Variants in FGF12 observed in about 807,000 individuals in gnomAD.
FGF12 encodes fibroblast growth factor 12.
Under a neutral mutation model 23.6 loss-of-function variants are expected in FGF12, and 14 were observed. The observed-to-expected ratio is 0.59, with a 90% CI of 0.39 to 0.93. FGF12 has a LOEUF of 0.93. FGF12 is among the 40% of genes least tolerant of loss of function. The pLI is 0.00. For missense variants in FGF12, 175 were observed against 217.8 expected (o/e 0.80, Z 1.24); for synonymous variants, 62 against 77.3 (o/e 0.80, Z 1.04).
intron 2 of FGF12, among the ~76,000 whole-genome samples, chr3:192,543,278 G>A (rs1219925025): frequency 6.6e-6 from 1 of 152,000 alleles, no homozygotes; most frequent in African/African-American, 2.4e-5. Context: ...TTCTGCCTGT[G>A]GCCACCCTTG....
chr3:192,463,896 C>T lies in FGF12; in HGVS notation c.14-103358G>A, dbSNP rs7634864. 6.3e-3 allele frequency among the ~76,000 whole-genome samples: 964 copies of T among 152,156 alleles called. 5 individuals are homozygous for T. The highest frequency in any genetic ancestry group is 0.02 in the Middle Eastern group (6 of 294). ...CAAAACAACATGCTTTATTATCGTCCATACTATGACTCCTGCCAGTGTTCC... is the reference window on the plus strand; with the variant it reads ...CAAAACAACATGCTTTATTATCGTCTATACTATGACTCCTGCCAGTGTTCC... On this transcript the variant is annotated intron_variant, in intron 2 of 5. Transcript: ENST00000445105.
intron 2 of FGF12, among the ~76,000 whole-genome samples, chr3:192,377,391 C>G (rs1307691329): frequency 6.6e-6 from 1 of 152,182 alleles, no homozygotes; most frequent in Non-Finnish European, 1.5e-5. Flanking sequence ...TCTTTTCTGG[C>G]ACATAGAGAT....
intron 2 of FGF12, among the ~76,000 whole-genome samples, chr3:192,666,963 A>G (rs1300099684): frequency 6.6e-6 from 1 of 152,180 alleles, no homozygotes; most frequent in Non-Finnish European, 1.5e-5. Context: ...AGATAGACAT[A>G]AAGAACATCA....
At chr3:192,242,732 C>A (rs2108596646) in intron 4 of FGF12, among the ~76,000 whole-genome samples, 1 of 152,038 alleles carries the variant, frequency 6.6e-6, no homozygotes, top group Admixed American at 6.5e-5. Flanking sequence ...AAAACCAGTC[C>A]TTACTACAAT....
At chr3:192,704,950 T>A (rs899592956) in intron 2 of FGF12, among the ~76,000 whole-genome samples, 5 of 152,242 alleles carry the variant, frequency 3.3e-5, no homozygotes, top group African/African-American at 1.2e-4. Flanking sequence ...AGCTTCCTCA[T>A]CTCTCTCAGC....
At chr3:192,215,115 T>C (rs903084745) in intron 4 of FGF12, among the ~76,000 whole-genome samples, 1 of 152,046 alleles carries the variant, frequency 6.6e-6, no homozygotes, top group Non-Finnish European at 1.5e-5. Context: ...TCTACAGGAG[T>C]GAATGGCTGT....
intron 4 of FGF12, among the ~76,000 whole-genome samples, chr3:192,273,125 A>G (rs1713552946): frequency 6.6e-6 from 1 of 152,088 alleles, no homozygotes; most frequent in Admixed American, 6.6e-5. Flanking sequence ...GAGGGGATTT[A>G]CTCCTTTCAT....
chr3:192,422,917 A>G (rs1721576763), intron 2 of FGF12, among the ~76,000 whole-genome samples: 1 of 152,136 alleles, frequency 6.6e-6, no homozygotes, highest in Non-Finnish European at 1.5e-5. Context: ...TTCTATATGC[A>G]AAGAAAACAT....
chr3:192,383,511 T>C (rs1719914158), intron 2 of FGF12, among the ~76,000 whole-genome samples: 1 of 145,334 alleles, frequency 6.9e-6, no homozygotes, highest in East Asian at 2.0e-4. Context: ...GTTCCAAGGA[T>C]TCTGATTTAA....
In FGF12 at chr3:192,691,449, G is replaced by GA. The variant is rs1401399925; in HGVS notation, c.13+35731dup. ...ACTTCTAAACAACCGATGAGTCAAA[G>GA]AAAAAAATCAAAAGTGAAATTTTAA... On this transcript the variant is annotated intron_variant, in intron 2 of 5. Transcript: ENST00000445105. Among the ~76,000 whole-genome samples the GA allele has an allele frequency of 3.3e-5, 5 of 151,768 alleles. No homozygotes were observed. In the South Asian group the frequency reaches 1.0e-3, roughly 32 times the overall value.
chr3:192,329,845 A>G (rs1187839116), intron 4 of FGF12, among the ~76,000 whole-genome samples: 1 of 152,224 alleles, frequency 6.6e-6, no homozygotes, highest in African/African-American at 2.4e-5. Context: ...GTTTCAACAG[A>G]TTGTAACACA....
At chr3:192,623,031 G>A (rs1371671684) in intron 2 of FGF12, among the ~76,000 whole-genome samples, 1 of 152,094 alleles carries the variant, frequency 6.6e-6, no homozygotes, top group Non-Finnish European at 1.5e-5. Flanking sequence ...TTTACGTTGG[G>A]ATAATCAAAG....
intron 5 of FGF12, among the ~76,000 whole-genome samples, chr3:192,168,904 C>T (rs1470363747): frequency 6.6e-6 from 1 of 152,050 alleles, no homozygotes; most frequent in Non-Finnish European, 1.5e-5. Context: ...TTTAGTTCTA[C>T]TTGAAGAAAG....
intron 5 of FGF12, among the ~76,000 whole-genome samples, chr3:192,167,886 T>C (rs142255806): frequency 0.067 from 9,997 of 148,504 alleles, 412 homozygotes; most frequent in African/African-American, 0.1. Context: ...CCTGCCTCAG[T>C]CTCCTGAGTA....
chr3:192,400,451 T>A (rs2108770037), intron 2 of FGF12, among the ~76,000 whole-genome samples: 1 of 148,320 alleles, frequency 6.7e-6, no homozygotes, highest in Non-Finnish European at 1.5e-5. Flanking sequence ...TCATTGCAAC[T>A]TCCGCCTCCC....
At chr3:192,411,848 T>A (rs773562144) in intron 2 of FGF12, among the ~76,000 whole-genome samples, 3 of 152,234 alleles carry the variant, frequency 2.0e-5, no homozygotes, top group Non-Finnish European at 4.4e-5. Flanking sequence ...GTCTCTTTTA[T>A]ATTCTCAAAA....
chr3:192,408,176 C>T lies in FGF12; in HGVS notation c.14-47638G>A, dbSNP rs1721044246. On this transcript the variant is annotated intron_variant, in intron 2 of 5. Coordinates refer to ENST00000445105, the MANE Select transcript of FGF12 (RefSeq NM_004113.6). The surrounding 1 kb of genome is among the most constrained non-coding windows in gnomAD (Gnocchi z 7.3). The stretch of plus-strand genomic sequence containing the variant: ...ACACTCGGTCGCTGTTGGACTCCCT[C>T]GCCTGCCGCTTCTGCCGGATCAAGG... 2.5e-6 allele frequency: 4 copies of T among 1,608,980 alleles called. No individual in the cohort carries two copies. The highest frequency in any genetic ancestry group is 3.4e-6 in the Non-Finnish European group (4 of 1,179,664).
chr3:192,557,170 C>CCA (rs1711819216), intron 2 of FGF12, among the ~76,000 whole-genome samples: 1 of 151,174 alleles, frequency 6.6e-6, no homozygotes, highest in Admixed American at 6.6e-5. Flanking sequence ...AAATTAAGCC[C>CCA]AAAGTCACCA....
At chr3:192,633,050 T>C (rs1452490094) in intron 2 of FGF12, among the ~76,000 whole-genome samples, 2 of 152,130 alleles carry the variant, frequency 1.3e-5, no homozygotes, top group East Asian at 3.9e-4. Flanking sequence ...TTTGTTGTGT[T>C]GTGTTTGTTT....
Sources: allele counts gnomAD v4.1 joint callset (sites outside exome capture counted in the v4.1 genomes callset), GRCh38; gene constraint gnomAD v4.1.1; non-coding constraint Gnocchi (gnomAD v3.1); transcripts MANE v1.5; gene names NCBI Gene and HGNC (gene_info 2026-07-23, HGNC 2026-07-21).